LYPLAL1: variants seen among roughly 807,000 people sequenced by gnomAD.
LYPLAL1 encodes the protein lysophospholipase like 1.
A neutral mutation model predicts 19.7 loss-of-function variants in LYPLAL1; 23 were observed. The ratio of observed to expected loss-of-function variants is 1.17; its 90% CI spans 0.84 to 1.65. The LOEUF (loss-of-function observed/expected upper bound fraction) is 1.65, where lower values mean the gene tolerates loss of function less well. LYPLAL1 is among the 40% of genes most tolerant of loss of function. The pLI is 0.00. For synonymous variants in LYPLAL1, 119 were observed against 96.3 expected (o/e 1.24, Z -1.38); for missense variants, 355 against 279.4 (o/e 1.27, Z -1.93).
At chr1:219,356,835 G>A in the LYPLAL1 span, among the ~76,000 whole-genome samples, 1 of 152,100 alleles carries the variant, frequency 6.6e-6, no homozygotes, top group Non-Finnish European at 1.5e-5. Flanking sequence ...TATATTTTGT[G>A]TTTTAATAAA....
the LYPLAL1 span, among the ~76,000 whole-genome samples, chr1:219,282,415 A>G: frequency 6.6e-6 from 1 of 151,658 alleles, no homozygotes; most frequent in African/African-American, 2.4e-5. Flanking sequence ...TGAAGGGGGG[A>G]TATTATTGAA....
chr1:219,299,589 AG>A, the LYPLAL1 span, among the ~76,000 whole-genome samples: 31 of 152,236 alleles, frequency 2.0e-4, 1 homozygote, highest in East Asian at 6.0e-3. Context: ...GATTTGTCCA[AG>A]GACTTGCAAC....
At chr1:219,196,229 C>A (rs78181785) in intron 3 of LYPLAL1, among the ~76,000 whole-genome samples, 1 of 152,066 alleles carries the variant, frequency 6.6e-6, no homozygotes, top group Non-Finnish European at 1.5e-5. Flanking sequence ...ATTTCCGGTT[C>A]TAGGTCTTTG....
chr1:219,407,125 T>G, the LYPLAL1 span, among the ~76,000 whole-genome samples: 3 of 152,202 alleles, frequency 2.0e-5, no homozygotes, highest in African/African-American at 7.2e-5. Context: ...AATCAAAACT[T>G]TTTCCAGAAA....
the LYPLAL1 span, among the ~76,000 whole-genome samples, chr1:219,339,476 A>AT: frequency 6.6e-6 from 1 of 152,016 alleles, no homozygotes; most frequent in South Asian, 2.1e-4. Context: ...TTTTCCATGG[A>AT]TTTTTTAAAA....
chr1:219,403,947 T>C, the LYPLAL1 span, among the ~76,000 whole-genome samples: 5 of 152,140 alleles, frequency 3.3e-5, no homozygotes, highest in Non-Finnish European at 7.4e-5. Flanking sequence ...TCATTTTCTC[T>C]CTGTTCTAAG....
the LYPLAL1 span, chr1:219,411,985 G>A: frequency 6.5e-6 from 1 of 152,856 alleles, no homozygotes. Flanking sequence ...ATTGCAAATG[G>A]AATGTGCTTA....
intron 2 of LYPLAL1, among the ~76,000 whole-genome samples, chr1:219,184,166 T>A (rs1161512652): frequency 6.6e-6 from 1 of 151,904 alleles, no homozygotes; most frequent in African/African-American, 2.4e-5. Context: ...TTCTAATACA[T>A]ACACATGGTA....
chr1:219,268,259 G>A, the LYPLAL1 span, among the ~76,000 whole-genome samples: 1 of 152,068 alleles, frequency 6.6e-6, no homozygotes. Flanking sequence ...TGATAAGGAG[G>A]GGTGGGGGGA....
chr1:219,293,977 A>G, the LYPLAL1 span, among the ~76,000 whole-genome samples: 38 of 152,318 alleles, frequency 2.5e-4, no homozygotes, highest in African/African-American at 8.7e-4. Context: ...TGTGTGGTCT[A>G]TGGCACTAAT....
At chr1:219,329,738 G>A in the LYPLAL1 span, among the ~76,000 whole-genome samples, 2 of 152,160 alleles carry the variant, frequency 1.3e-5, no homozygotes, top group African/African-American at 2.4e-5. Flanking sequence ...TTGGTCTTAA[G>A]AGGAAATGCA....
At chr1:219,311,403 T>G in the LYPLAL1 span, among the ~76,000 whole-genome samples, 2 of 152,222 alleles carry the variant, frequency 1.3e-5, no homozygotes, top group Non-Finnish European at 2.9e-5. Flanking sequence ...AGTATGAACA[T>G]ATTTGCTTGG....
chr1:219,391,599 T>C, the LYPLAL1 span, among the ~76,000 whole-genome samples: 1 of 152,214 alleles, frequency 6.6e-6, no homozygotes, highest in African/African-American at 2.4e-5. Flanking sequence ...CCAGGACTAT[T>C]TTCTCTTTGT....
chr1:219,331,963 T>C, the LYPLAL1 span, among the ~76,000 whole-genome samples: 1 of 152,172 alleles, frequency 6.6e-6, no homozygotes, highest in Non-Finnish European at 1.5e-5. Context: ...AATGCTAGGT[T>C]GCATAGAATG....
the LYPLAL1 span, among the ~76,000 whole-genome samples, chr1:219,218,582 G>A: frequency 6.6e-6 from 1 of 151,444 alleles, no homozygotes; most frequent in Non-Finnish European, 1.5e-5. Context: ...CTTCCAGTGT[G>A]GCCCAGGGAA....
chr1:219,348,660 G>A, the LYPLAL1 span, among the ~76,000 whole-genome samples: 2 of 152,056 alleles, frequency 1.3e-5, no homozygotes, highest in Non-Finnish European at 1.5e-5. Flanking sequence ...ACAGTCTATG[G>A]TAAATATGCA....
intron 3 of LYPLAL1, among the ~76,000 whole-genome samples, chr1:219,198,339 TATATGTAC>T (rs1388717032): frequency 6.6e-6 from 1 of 152,148 alleles, no homozygotes; most frequent in African/African-American, 2.4e-5. Context: ...AATATATGCA[TATATGTAC>T]ATATTATATA....
chr1:219,195,206 C>T (rs1657508267), intron 3 of LYPLAL1, among the ~76,000 whole-genome samples: 3 of 151,990 alleles, frequency 2.0e-5, no homozygotes, highest in South Asian at 4.1e-4. Flanking sequence ...GTTTTTAATC[C>T]TTTATTTTGT....
the LYPLAL1 span, among the ~76,000 whole-genome samples, chr1:219,336,940 T>C: frequency 2.0e-5 from 3 of 152,002 alleles, no homozygotes; most frequent in Non-Finnish European, 4.4e-5. Context: ...AAATGAGTTC[T>C]ACTGGGCTGG....
Sources: allele counts gnomAD v4.1 joint callset (sites outside exome capture counted in the v4.1 genomes callset), GRCh38; gene constraint gnomAD v4.1.1; transcripts MANE v1.5; gene names NCBI Gene and HGNC (gene_info 2026-07-23, HGNC 2026-07-21).